Variants in FAHD1 observed in about 807,000 individuals in gnomAD.
FAHD1 encodes oxaloacetate tautomerase FAHD1, mitochondrial.
A neutral mutation model predicts 12.7 loss-of-function variants in FAHD1; 14 were observed. That is an observed-to-expected ratio of 1.10 (90% CI 0.73 to 1.72). The LOEUF (loss-of-function observed/expected upper bound fraction) is 1.72, where lower values mean the gene tolerates loss of function less well. Ranked by LOEUF, FAHD1 falls within the 40% of genes most tolerant of loss-of-function variation. The pLI is 0.00. For synonymous variants in FAHD1, 153 were observed against 124.9 expected, an observed-to-expected ratio of 1.22 and a Z score of -1.50; for missense variants, 351 against 298.9, an observed-to-expected ratio of 1.17 and a Z score of -1.29.
exon 3 of FAHD1, chr16:1,839,587 T>TA (rs748816242): frequency 4.7e-6 from 3 of 639,112 alleles, no homozygotes; most frequent in Non-Finnish European, 7.6e-6. Context: ...AAGACAGTCG[T>TA]AAAAAACAGT....
chr16:1,828,082 C>G, exon 1 of FAHD1: 1 of 1,220,990 alleles, frequency 8.2e-7, no homozygotes, highest in Non-Finnish European at 1.1e-6. Context: ...GAGATCCAGA[C>G]CATCTTGGCT....
At chr16:1,833,434 C>T (rs762112087), downstream of FAHD1, among the ~76,000 whole-genome samples, 44 of 152,188 alleles carry the variant, frequency 2.9e-4, no homozygotes, top group Middle Eastern at 0.014. Flanking sequence ...AGCAGTCGCA[C>T]AGGATTGCCC....
chr16:1,833,409 GC>G (rs958338829), downstream of FAHD1, among the ~76,000 whole-genome samples: 1 of 152,082 alleles, frequency 6.6e-6, no homozygotes, highest in Non-Finnish European at 1.5e-5. Flanking sequence ...GACTAGAAGA[GC>G]CCCAGGTGCT....
chr16:1,837,016 G>A (rs1898766703), intron 1 of FAHD1, among the ~76,000 whole-genome samples: 1 of 152,228 alleles, frequency 6.6e-6, no homozygotes, highest in South Asian at 2.1e-4. Flanking sequence ...GTGACCCAGT[G>A]CAAGTGGCAA....
chr16:1,833,437 G>C (rs1476685082), downstream of FAHD1, among the ~76,000 whole-genome samples: 2 of 151,950 alleles, frequency 1.3e-5, no homozygotes, highest in East Asian at 1.9e-4. Flanking sequence ...AGTCGCACAG[G>C]ATTGCCCACG....
chr16:1,830,944 A>ACACACACACACACCCCCCACCCACC (rs57025691), downstream of FAHD1, among the ~76,000 whole-genome samples: 274 of 147,288 alleles, frequency 1.9e-3, no homozygotes, highest in Admixed American at 3.1e-3. Flanking sequence ...ACACACACAC[A>ACACACACACACACCCCCCACCCACC]CCCATATTTT....
In FAHD1 at chr16:1,834,252, C is replaced by T. The variant is rs369643336; in HGVS notation, c.628-3764C>T. On this transcript the variant is annotated intron_variant, in intron 1 of 2. Transcript: ENST00000382666. ...TTTTCCAGAGTTCAAAATGATAGAC[C>T]GTTTTAAACATGTTTTTGTCCAGAC... 62 of 1,530,964 alleles carry T rather than the reference C, an allele frequency of 4.0e-5. No individual in the cohort carries two copies. The African/African-American group carries it at 5.6e-4, about 14-fold the overall frequency. 94.8% of individuals were successfully genotyped at this position (1,530,964 alleles called of 1,614,324 possible). A position where few individuals can be genotyped will look rare whatever the true frequency, so the allele number is the denominator to read the frequency against.
At chr16:1,838,154 G>T in intron 2 of FAHD1, 3 of 515,194 alleles carry the variant, frequency 5.8e-6, no homozygotes, top group South Asian at 3.4e-5. Flanking sequence ...ACTCTTCTCT[G>T]GCTAATTGTT....
At chr16:1,832,856 C>T (rs766339650), downstream of FAHD1, among the ~76,000 whole-genome samples, 4 of 152,238 alleles carry the variant, frequency 2.6e-5, no homozygotes, top group Middle Eastern at 3.4e-3. Flanking sequence ...GCCTGTTCTG[C>T]ACAACTAGGT....
chr16:1,832,761 TCTCTC>T (rs140254902), downstream of FAHD1, among the ~76,000 whole-genome samples: 26,863 of 151,726 alleles, frequency 0.18, 2,500 homozygotes, highest in South Asian at 0.27. Context: ...CACCCTCACT[TCTCTC>T]CTCTCCTTCC....
downstream of FAHD1, among the ~76,000 whole-genome samples, chr16:1,833,091 G>A (rs1898652240): frequency 6.6e-6 from 1 of 152,092 alleles, no homozygotes. Flanking sequence ...AACCTCCCAG[G>A]CCGTGGGTCA....
exon 3 of FAHD1, chr16:1,839,701 A>G (rs1898849296): frequency 2.6e-6 from 1 of 378,600 alleles, no homozygotes; most frequent in South Asian, 3.8e-5. Context: ...CTCGAGGTCC[A>G]TCCCAGTCTC....
downstream of FAHD1, among the ~76,000 whole-genome samples, chr16:1,830,966 G>C (rs545607718): frequency 8.7e-6 from 1 of 114,298 alleles, no homozygotes; most frequent in Non-Finnish European, 1.8e-5. Flanking sequence ...GAAATGCGTC[G>C]GGATGGTGAC....
At chr16:1,827,949 G>A (rs747572290) in exon 1 of FAHD1, 2 of 1,580,926 alleles carry the variant, frequency 1.3e-6, no homozygotes, top group East Asian at 4.5e-5. Flanking sequence ...CAAGACAAGA[G>A]CAAGCAACGG....
In FAHD1 at chr16:1,827,704, G is replaced by T. The variant is rs1898520826; in HGVS notation, c.466G>T (p.Glu156Ter). 1 of 1,614,060 alleles carries T rather than the reference G, an allele frequency of 6.2e-7. No individual in the cohort carries two copies. The highest frequency in any genetic ancestry group is 1.7e-5 in the Admixed American group (1 of 60,012). Residue 156 changes from glutamate (E) to a stop codon, truncating the protein, a stop_gained, in exon 1 of 1, where the codon GAG (glutamate) becomes TAG (stop). Transcript: ENST00000427358. LOFTEE classifies it high-confidence loss of function. ...CAAGGTCAACGGCGAACTCAGACAG[G>T]AGGGTGAGACATCCTCCATGATTTT...
At chr16:1,827,451 G>T in exon 1 of FAHD1, 1 of 1,610,926 alleles carries the variant, frequency 6.2e-7, no homozygotes, top group Non-Finnish European at 8.5e-7. Context: ...AGCTGGAGCT[G>T]GGCGTGGTGA....
At chr16:1,827,648 T>A in exon 1 of FAHD1, 1 of 1,614,046 alleles carries the variant, frequency 6.2e-7, no homozygotes, top group South Asian at 1.1e-5. Flanking sequence ...AAGGAGAAGA[T>A]CCCTGACCCT....
chr16:1,834,500 A>T lies in FAHD1; in HGVS notation c.628-3516A>T, dbSNP rs171162. On this transcript the variant is annotated intron_variant, in intron 1 of 2. Coordinates refer to the FAHD1 transcript ENST00000382666. The stretch of plus-strand genomic sequence containing the variant: ...TTTACAGATACTAATATAAACTTCC[A>T]TTAGAGCTGTAAGATGATGGGAAGA... 82,614 of 548,822 alleles carry T rather than the reference A, an allele frequency of 0.15. 6,718 individuals carry two copies. Among genetic ancestry groups the T allele is most frequent in the African/African-American group, 0.21 (10,733 of 51,790 alleles). 34.0% of individuals were successfully genotyped at this position (548,822 alleles called of 1,614,324 possible).
At chr16:1,828,039 T>G (rs908369290) in exon 1 of FAHD1, 60 of 1,447,874 alleles carry the variant, frequency 4.1e-5, no homozygotes, top group Non-Finnish European at 4.9e-5. Context: ...CGCAGCACTT[T>G]GGGAGGCCGA....
Sources: gnomAD v4.1 joint callset for allele counts (sites outside exome capture counted in the v4.1 genomes callset) on GRCh38, gnomAD v4.1.1 for gene constraint, MANE v1.5 for transcripts, NCBI Gene and HGNC (gene_info 2026-07-23, HGNC 2026-07-21) for gene names.